The following GLRX3 variants were observed in gnomAD, a reference collection of about 807,000 sequenced individuals.
The protein encoded by GLRX3 is glutaredoxin 3.
Under a neutral mutation model 49.5 loss-of-function variants are expected in GLRX3, and 22 were observed. The observed-to-expected ratio is 0.44, with a 90% CI of 0.32 to 0.63. The LOEUF is 0.63. Ranked by LOEUF, GLRX3 falls within the 30% of genes least tolerant of loss-of-function variation. The probability of loss-of-function intolerance (pLI) is 0.05; values close to 1 mark genes in which losing one functional copy is unlikely to be tolerated. For synonymous variants in GLRX3, 133 were observed against 140.0 expected (o/e 0.95, Z 0.35); for missense variants, 385 against 396.3 (o/e 0.97, Z 0.24).
intron 1 of GLRX3, among the ~76,000 whole-genome samples, chr10:130,137,941 G>T (rs1862096128): frequency 6.6e-6 from 1 of 151,996 alleles, no homozygotes; most frequent in Admixed American, 6.6e-5. Context: ...TCGCCATGTT[G>T]CCCAGCCTCG....
chr10:130,145,690 T>A (rs1416068886), intron 2 of GLRX3, among the ~76,000 whole-genome samples: 1 of 152,062 alleles, frequency 6.6e-6, no homozygotes, highest in African/African-American at 2.4e-5. Flanking sequence ...AAATAAAAAA[T>A]TAGATTTTAT....
chr10:130,142,596 G>A (rs12243913), intron 1 of GLRX3, among the ~76,000 whole-genome samples: 15,222 of 152,000 alleles, frequency 0.1, 784 homozygotes, highest in Middle Eastern at 0.13. Context: ...CTTTTTCTCT[G>A]CCTGTACAGA....
At chr10:130,166,404 G>A (rs762209101) in intron 4 of GLRX3, 103 bp from the exon 5 acceptor site, 5 of 741,510 alleles carry the variant, frequency 6.7e-6, no homozygotes, top group Middle Eastern at 3.8e-4. Flanking sequence ...TAAGGCAGGC[G>A]TCTATGTCTT....
chr10:130,151,650 C>T (rs1046664728), intron 2 of GLRX3, among the ~76,000 whole-genome samples: 4 of 152,094 alleles, frequency 2.6e-5, no homozygotes, highest in African/African-American at 4.8e-5. Flanking sequence ...TGATTGTTTG[C>T]TGAAAATGCT....
chr10:130,155,818 G>A (rs537037220), intron 2 of GLRX3, among the ~76,000 whole-genome samples: 176 of 152,324 alleles, frequency 1.2e-3, no homozygotes, highest in Middle Eastern at 3.4e-3. Context: ...ACCAAGGCTG[G>A]CACATGCCGG....
At chr10:130,141,573 C>T (rs538162399) in intron 1 of GLRX3, among the ~76,000 whole-genome samples, 2 of 152,154 alleles carry the variant, frequency 1.3e-5, no homozygotes, top group Non-Finnish European at 2.9e-5. Context: ...TAGAATCATA[C>T]AGTTCTTTGT....
chr10:130,175,000 C>G lies in GLRX3; in HGVS notation c.868C>G (p.Arg290Gly), dbSNP rs755871807. Residue 290 changes from arginine to glycine, a missense_variant, in exon 10 of 11, where the codon CGG becomes GGG. Transcript: ENST00000331244. Reference protein sequence around the residue: ...TFDILEDEEVRQGLKAYSNWP... With the variant: ...TFDILEDEEVGQGLKAYSNWP... ...AGGATTCCTGTTGTTTCTTTAGGTT[C>G]GGCAAGGATTAAAAGCTTACTCAAA... The G allele has an allele frequency of 1.9e-6, 3 of 1,604,772 alleles. No individual in the cohort carries two copies. The highest frequency in any genetic ancestry group is 2.7e-5 in the African/African-American group (2 of 74,788).
At chr10:130,157,775 C>T (rs1340935261) in intron 2 of GLRX3, among the ~76,000 whole-genome samples, 2 of 152,016 alleles carry the variant, frequency 1.3e-5, no homozygotes, top group East Asian at 1.9e-4. Context: ...ATGTTAAGGC[C>T]TTCTCATGGT....
chr10:130,139,231 A>G (rs1002022442), intron 1 of GLRX3, among the ~76,000 whole-genome samples: 4 of 152,194 alleles, frequency 2.6e-5, no homozygotes, highest in Middle Eastern at 3.2e-3. Flanking sequence ...GAAATGGCCC[A>G]GGAAACAATG....
At chr10:130,159,374 C>G (rs891466680) in intron 2 of GLRX3, among the ~76,000 whole-genome samples, 1 of 152,194 alleles carries the variant, frequency 6.6e-6, no homozygotes, top group Non-Finnish European at 1.5e-5. Context: ...AATTATCAAA[C>G]ACAATGCAGT....
chr10:130,156,919 G>T (rs889990157), intron 2 of GLRX3, among the ~76,000 whole-genome samples: 39 of 152,182 alleles, frequency 2.6e-4, no homozygotes, highest in African/African-American at 8.9e-4. Flanking sequence ...ACTTTGACAT[G>T]TAATCTTTAT....
downstream of GLRX3, chr10:130,179,753 G>A (rs542241803): frequency 3.6e-5 from 9 of 248,726 alleles, no homozygotes; most frequent in African/African-American, 4.7e-5. Context: ...GAACTGTGGC[G>A]GAATGCAGTA....
intron 7 of GLRX3, among the ~76,000 whole-genome samples, chr10:130,171,288 T>C (rs1862802843): frequency 6.6e-6 from 1 of 152,102 alleles, no homozygotes; most frequent in African/African-American, 2.4e-5. Flanking sequence ...CTGTAGAAAA[T>C]CTCGGTTTCA....
chr10:130,141,348 C>A (rs1403200923), intron 1 of GLRX3, among the ~76,000 whole-genome samples: 1 of 151,894 alleles, frequency 6.6e-6, no homozygotes, highest in Non-Finnish European at 1.5e-5. Flanking sequence ...AAATGGTATC[C>A]CAGCTTTAAA....
intron 4 of GLRX3, among the ~76,000 whole-genome samples, chr10:130,164,625 A>G (rs939670543): frequency 1.4e-4 from 21 of 152,144 alleles, no homozygotes; most frequent in African/African-American, 4.1e-4. Context: ...TTTTTATTGC[A>G]TGCATGCATT....
intron 1 of GLRX3, among the ~76,000 whole-genome samples, chr10:130,143,940 C>T (rs1862221633): frequency 6.6e-6 from 1 of 152,122 alleles, no homozygotes; most frequent in East Asian, 1.9e-4. Context: ...CTCAAGTGAT[C>T]TGCCTGCCTC....
In GLRX3 at chr10:130,171,988, A is replaced by G. The variant is rs574494210; in HGVS notation, c.824+352A>G. Among the ~76,000 whole-genome samples, 8 of 152,216 alleles carry G rather than the reference A, an allele frequency of 5.3e-5. No individual in the cohort carries two copies. In the South Asian group the frequency reaches 1.0e-3, roughly 20 times the overall value. On this transcript the variant is annotated intron_variant, in intron 8 of 10. Coordinates refer to ENST00000331244, the MANE Select transcript of GLRX3 (RefSeq NM_006541.5). ...TCAAAAAAAAGAAAAAAATATTTCA[A>G]CTTTTCAGTTCTGCCACTGATACTT...
chr10:130,157,114 A>T (rs577316374), intron 2 of GLRX3, among the ~76,000 whole-genome samples: 1 of 152,254 alleles, frequency 6.6e-6, no homozygotes, highest in East Asian at 1.9e-4. Context: ...AACTAATAGG[A>T]TAGGTACAGA....
chr10:130,157,579 T>TC (rs1332703757), intron 2 of GLRX3, among the ~76,000 whole-genome samples: 5 of 131,558 alleles, frequency 3.8e-5, no homozygotes, highest in Non-Finnish European at 3.1e-5. Context: ...GCCAGTCTCT[T>TC]CCCAAAACAC....
Sources: gnomAD v4.1 joint callset for allele counts (sites outside exome capture counted in the v4.1 genomes callset) on GRCh38, gnomAD v4.1.1 for gene constraint, MANE v1.5 for transcripts, NCBI Gene and HGNC (gene_info 2026-07-23, HGNC 2026-07-21) for gene names.